WDCP: variants seen among roughly 807,000 people sequenced by gnomAD.
WDCP encodes the protein WD repeat and coiled coil containing.
In WDCP, 19 loss-of-function variants were observed where a neutral mutation model predicts 41.6. The ratio of observed to expected loss-of-function variants is 0.46; its 90% CI spans 0.32 to 0.67. The LOEUF (loss-of-function observed/expected upper bound fraction) is 0.67. Among genes scored for constraint, WDCP ranks in the 30% least tolerant of loss-of-function variants. The probability of loss-of-function intolerance (pLI) is 0.04; values close to 1 mark genes in which losing one functional copy is unlikely to be tolerated. For missense variants in WDCP, 802 were observed against 850.7 expected, an observed-to-expected ratio of 0.94 and a Z score of 0.71; for synonymous variants, 302 against 320.8, an observed-to-expected ratio of 0.94 and a Z score of 0.63.
chr2:24,047,381 T>G lies in WDCP; in HGVS notation c.-86A>C, dbSNP rs563451393. 1.8e-4 allele frequency: 28 copies of G among 152,130 alleles called. No individual in the cohort carries two copies. Among genetic ancestry groups the G allele is most frequent in the South Asian group, 6.2e-4 (3 of 4,810 alleles). The allele number at this position is 152,130 out of a possible 1,614,324, so 9.4% of individuals were successfully genotyped here. On this transcript the variant is annotated 5_prime_UTR_variant, in exon 1 of 4. The change abolishes an upstream ATG in the 5' untranslated region. Transcript: ENST00000295148. ...CCGCCCAACATCACGCCGCCGCACA[T>G]AAGAAGTTCTGGGCAGCCACCGGAA...
intron 2 of WDCP, among the ~76,000 whole-genome samples, chr2:24,036,741 T>C (rs1663268893): frequency 6.6e-6 from 1 of 151,994 alleles, no homozygotes; most frequent in Non-Finnish European, 1.5e-5. Flanking sequence ...AAGTAAAGAG[T>C]GCACCATATC....
intron 2 of WDCP, among the ~76,000 whole-genome samples, chr2:24,037,315 G>A (rs967552491): frequency 1.3e-5 from 2 of 152,232 alleles, no homozygotes; most frequent in Non-Finnish European, 2.9e-5. Flanking sequence ...GAGCCATGGA[G>A]CCCAGCAACA....
intron 1 of WDCP, among the ~76,000 whole-genome samples, chr2:24,045,480 A>G (rs1241450463): frequency 6.6e-6 from 1 of 151,808 alleles, no homozygotes; most frequent in Non-Finnish European, 1.5e-5. Context: ...GTGTGCCTGT[A>G]GTTCCAGCTA....
At chr2:24,041,753 T>C (rs1323814098) in intron 1 of WDCP, among the ~76,000 whole-genome samples, 3 of 149,690 alleles carry the variant, frequency 2.0e-5, no homozygotes, top group Non-Finnish European at 4.4e-5. Flanking sequence ...CTCGGGAGGC[T>C]GAGGCTGGAC....
At position 24,039,834 on chromosome 2, in the gene WDCP, G is replaced by C. The variant is rs150885035; in HGVS notation, c.-18-322C>G. Among the ~76,000 whole-genome samples the C allele has an allele frequency of 3.0e-3, 448 of 151,300 alleles. 2 individuals carry two copies. The highest frequency in any genetic ancestry group is 0.01 in the African/African-American group (432 of 41,194). ...TTTTTTGAGACGGAGTCTCACTCTT[G>C]TTGCTCAGGCTGAAGTGCAATGGCA... On this transcript the variant is annotated intron_variant, in intron 1 of 3. Coordinates refer to ENST00000295148, the MANE Select transcript of WDCP (RefSeq NM_025203.3).
At chr2:24,039,964 AT>A (rs563668347) in intron 1 of WDCP, among the ~76,000 whole-genome samples, 5 of 149,846 alleles carry the variant, frequency 3.3e-5, no homozygotes, top group Admixed American at 2.0e-4. Context: ...GGCCCAGCTA[AT>A]TTTTTTTTTA....
chr2:24,040,414 C>T (rs765290490), intron 1 of WDCP, among the ~76,000 whole-genome samples: 3 of 152,156 alleles, frequency 2.0e-5, no homozygotes, highest in Non-Finnish European at 2.9e-5. Flanking sequence ...AATTTCTATT[C>T]GTCCTTTCAC....
At chr2:24,042,633 C>T (rs1233382203) in intron 1 of WDCP, among the ~76,000 whole-genome samples, 19 of 150,764 alleles carry the variant, frequency 1.3e-4, no homozygotes, top group Admixed American at 4.6e-4. Flanking sequence ...CGCTTGAACC[C>T]GGGAGGTGGA....
At chr2:24,036,189 T>C (rs1034627905) in intron 2 of WDCP, among the ~76,000 whole-genome samples, 3 of 151,700 alleles carry the variant, frequency 2.0e-5, no homozygotes, top group Non-Finnish European at 2.9e-5. Context: ...GTAGTTAATG[T>C]GGCAAAAATC....
chr2:24,031,283 C>A, intron 3 of WDCP, 121 bp from the exon 4 acceptor site: 1 of 675,664 alleles, frequency 1.5e-6, no homozygotes, highest in East Asian at 2.7e-5. Context: ...TCAACTCAAT[C>A]CTTGTAAGAT....
At chr2:24,036,106 A>T (rs1305760302) in intron 2 of WDCP, among the ~76,000 whole-genome samples, 1 of 146,062 alleles carries the variant, frequency 6.8e-6, no homozygotes, top group East Asian at 1.9e-4. Flanking sequence ...ATAAATAAAT[A>T]AAATAAAATG....
rs1663349941 is a variant in WDCP, at chr2:24,039,212, T to A, written c.283A>T (p.Met95Leu). The change falls in exon 2 of 4, where the codon ATG (methionine) becomes TTG (leucine). Residue 95 changes from methionine (M) to leucine (L), a missense_variant. Physicochemically the swap from Met to Leu is conservative, Grantham distance 15 (BLOSUM62 2). Coordinates refer to ENST00000295148, the MANE Select transcript of WDCP (RefSeq NM_025203.3). ...GACGTCAGCCATTTGCTTGACTCCA[T>A]AGGGCTGGGACACAGCTGCCACACA... Reference protein sequence around the residue: ...VTVWQLCPSPMESSKWLTSQT... With the variant: ...VTVWQLCPSPLESSKWLTSQT... The A allele has an allele frequency of 6.2e-7, 1 of 1,614,252 alleles. No homozygotes were observed. The highest frequency in any genetic ancestry group is 1.3e-5 in the African/African-American group (1 of 75,068).
chr2:24,033,948 A>T (rs946371217), intron 2 of WDCP, among the ~76,000 whole-genome samples: 4 of 152,210 alleles, frequency 2.6e-5, no homozygotes, highest in Non-Finnish European at 5.9e-5. Flanking sequence ...GAATATGTCC[A>T]CTAATATTTT....
chr2:24,042,743 T>C (rs918159306), intron 1 of WDCP, among the ~76,000 whole-genome samples: 1 of 148,882 alleles, frequency 6.7e-6, no homozygotes, highest in Non-Finnish European at 1.5e-5. Context: ...AAACAATTAC[T>C]GGGCCAGAGC....
In WDCP at chr2:24,030,920, G is replaced by T; in HGVS notation, c.*13C>A. 6.3e-7 allele frequency: 1 copy of T among 1,593,092 alleles called. No individual in the cohort carries two copies. The highest frequency in any genetic ancestry group is 1.1e-5 in the South Asian group (1 of 90,584). On this transcript the variant is annotated 3_prime_UTR_variant, in exon 4 of 4. Transcript: ENST00000295148. ...CTCATCTGAAGAGCTACACAGCAAG[G>T]ACACTGCAGATATCAAGCCATGCCA...
chr2:24,033,755 A>C (rs1246868920), intron 2 of WDCP, among the ~76,000 whole-genome samples: 1 of 151,846 alleles, frequency 6.6e-6, no homozygotes, highest in East Asian at 1.9e-4. Flanking sequence ...TAAATAAATA[A>C]ATGAAGGACA....
Position 24,037,818 on chromosome 2 carries a change from C to A in WDCP, c.1677G>T (p.Lys559Asn). The change falls in exon 2 of 4, where the codon AAG becomes AAT. Residue 559 changes from lysine (K) to asparagine (N), a missense_variant. This residue lies in a region of WDCP where 321 missense variants were observed against 305.1 expected (regional missense o/e 1.05). Transcript: ENST00000295148. ...GGTTCCTAGATAAAATTTCCACTTC[C>A]TTAGACAGCTGATAAGTTTCCTTTT... ...QSEKETYQLS[K>N]EVEILSRNLV... is the part of the protein sequence containing the mutation. 4 of 1,614,186 alleles carry A rather than the reference C, an allele frequency of 2.5e-6. No individual in the cohort carries two copies. The highest frequency in any genetic ancestry group is 3.4e-6 in the Non-Finnish European group (4 of 1,180,026).
In WDCP at chr2:24,037,736, T is replaced by TCTTC; in HGVS notation, c.1755_1758dup (p.Lys587GlufsTer31). The stretch of plus-strand genomic sequence containing the variant: ...GAGAGTGGATACACTGAAGAGGATT[T>TCTTC]CTTCCCATTATGCAGACGGTTTGTA... On this transcript the variant is annotated frameshift_variant, in exon 2 of 4. Transcript: ENST00000295148. LOFTEE classifies it high-confidence loss of function. 1 of 1,614,198 alleles carries TCTTC rather than the reference T, an allele frequency of 6.2e-7. No homozygotes were observed. Among genetic ancestry groups the TCTTC allele is most frequent in the Non-Finnish European group, 8.5e-7 (1 of 1,180,020 alleles).
In WDCP at chr2:24,032,892, C is replaced by T. The variant is rs1180167602; in HGVS notation, c.1873G>A (p.Gly625Ser). The change falls in exon 3 of 4, where the codon GGT (glycine) becomes AGT (serine). Residue 625 changes from glycine (G) to serine (S), a missense_variant. By Grantham distance (56) the Gly-to-Ser change is moderately conservative. This residue lies in a region of WDCP where 321 missense variants were observed against 305.1 expected (regional missense o/e 1.05). Transcript: ENST00000295148. ...TGAACTGTACTGAGCCTTAGTTTAC[C>T]ATCACAGAGAAGCACCGCTCTTTTT... The part of the protein sequence containing the change: ...VEKRAVLLCD[G>S]KLRLSTVQQT... 1 of 1,613,770 alleles carries T rather than the reference C, an allele frequency of 6.2e-7. No homozygotes were observed. Among genetic ancestry groups the T allele is most frequent in the African/African-American group, 1.3e-5 (1 of 74,882 alleles).
Sources: gnomAD v4.1 joint callset for allele counts (sites outside exome capture counted in the v4.1 genomes callset) on GRCh38, gnomAD v4.1.1 for gene constraint, gnomAD v4.1.1 regional missense constraint, MANE v1.5 for transcripts, NCBI Gene and HGNC (gene_info 2026-07-23, HGNC 2026-07-21) for gene names.